STRBP: variants seen among roughly 807,000 people sequenced by gnomAD.
The protein encoded by STRBP is spermatid perinuclear RNA binding protein.
In STRBP, 13 loss-of-function variants were observed where a neutral mutation model predicts 80.1. The ratio of observed to expected loss-of-function variants is 0.16; its 90% CI spans 0.11 to 0.26. STRBP has a LOEUF of 0.26. Ranked by LOEUF, STRBP falls within the 10% of genes least tolerant of loss-of-function variation. STRBP has a pLI of 1.00. For synonymous variants in STRBP, 284 were observed against 291.2 expected (o/e 0.98, Z 0.25); for missense variants, 485 against 815.2 (o/e 0.59, Z 4.93).
chr9:123,129,720 T>C (rs981441440), intron 17 of STRBP, among the ~76,000 whole-genome samples: 5 of 152,226 alleles, frequency 3.3e-5, no homozygotes, highest in Admixed American at 1.3e-4. Flanking sequence ...AGAGGCTAGG[T>C]CTTCTCTGAA....
chr9:123,138,790 A>C (rs752931430), intron 14 of STRBP, among the ~76,000 whole-genome samples: 6 of 152,242 alleles, frequency 3.9e-5, no homozygotes, highest in Non-Finnish European at 5.9e-5. Context: ...CAGGTATTAA[A>C]AGGGATTTAT....
At position 123,158,106 on chromosome 9, in the gene STRBP, T is replaced by C; in HGVS notation, c.951A>G (p.Ser317=). 1 of 1,610,808 alleles carries C rather than the reference T, an allele frequency of 6.2e-7. No individual in the cohort carries two copies. The highest frequency in any genetic ancestry group is 2.2e-5 in the East Asian group (1 of 44,822). ...THSAQHALRL[S]AFGQIYKVLE... is the part of the protein sequence containing the mutation. ...GCACTTTGTAAATCTGGCCAAAGGC[T>C]GATAGTCTGAGTGCATGCTAAAGAA... is the stretch of plus-strand genomic sequence containing the variant. The change falls in exon 11 of 19, where the codon TCA becomes TCG. Residue 317 remains serine, a synonymous_variant. Transcript: ENST00000348403.
rs1275915456 is a variant in STRBP at position 123,122,281 on chromosome 9, G to A, written c.*3316C>T. 1.6e-6 allele frequency: 2 copies of A among 1,268,680 alleles called. No homozygotes were observed. Among genetic ancestry groups the A allele is most frequent in the East Asian group, 5.6e-5 (1 of 17,902 alleles). 78.6% of individuals were successfully genotyped at this position (1,268,680 alleles called of 1,614,324 possible). On this transcript the variant is annotated 3_prime_UTR_variant, in exon 19 of 19. Coordinates refer to ENST00000348403, the MANE Select transcript of STRBP (RefSeq NM_018387.5). ...GGCTACGAAGGTCCGAGGAGAACGA[G>A]AATAAAGTGAGATAAACGTGCTGAA...
chr9:123,186,623 A>C (rs1478608831), intron 2 of STRBP, among the ~76,000 whole-genome samples: 1 of 152,168 alleles, frequency 6.6e-6, no homozygotes, highest in Non-Finnish European at 1.5e-5. Context: ...AAATCATCTG[A>C]CCAACTCTAC....
At chr9:123,256,023 T>C (rs1206992198) in intron 1 of STRBP, among the ~76,000 whole-genome samples, 3 of 129,108 alleles carry the variant, frequency 2.3e-5, no homozygotes, top group African/African-American at 5.8e-5. Flanking sequence ...TCTTTCTTTT[T>C]TTTTTTTTTT....
Position 123,125,298 on chromosome 9 carries a change from T to A in STRBP, c.*299A>T. The A allele has an allele frequency of 1.9e-6, 2 of 1,068,896 alleles. No individual in the cohort carries two copies. Among genetic ancestry groups the A allele is most frequent in the Non-Finnish European group, 2.3e-6 (2 of 883,990 alleles). The allele number at this position is 1,068,896 out of a possible 1,614,324, so 66.2% of individuals were successfully genotyped here. ...ACAAATTTAATTTTACATAATCTGA[T>A]ACGTCTCTTAAAACTTAAACTTTGA... On this transcript the variant is annotated 3_prime_UTR_variant, in exon 19 of 19. Coordinates refer to ENST00000348403, the MANE Select transcript of STRBP (RefSeq NM_018387.5).
intron 2 of STRBP, among the ~76,000 whole-genome samples, chr9:123,199,022 G>A (rs1353453331): frequency 6.6e-6 from 1 of 152,166 alleles, no homozygotes; most frequent in Non-Finnish European, 1.5e-5. Flanking sequence ...TGGGCTCACT[G>A]CAGCCTCTGC....
intron 4 of STRBP, among the ~76,000 whole-genome samples, chr9:123,177,328 A>G (rs1165117081): frequency 1.3e-5 from 2 of 152,192 alleles, no homozygotes; most frequent in Admixed American, 1.3e-4. Context: ...GCACTTTGGG[A>G]GGCCAAGGCA....
Position 123,235,821 on chromosome 9 carries a change from G to A in STRBP, c.-165+1009C>T, listed in dbSNP as rs118041121. On this transcript the variant is annotated intron_variant, in intron 2 of 18. Transcript: ENST00000348403. ...TCACTTCTGAAATGATTTAGGAATA[G>A]AGCGCTCAGCAAAATAAACTTCCAA... Among the ~76,000 whole-genome samples, 232 of 152,192 alleles carry A rather than the reference G, an allele frequency of 1.5e-3. 8 individuals are homozygous for A. In the East Asian group the frequency reaches 0.042, roughly 27 times the overall value.
chr9:123,213,236 A>G (rs1035714747), intron 2 of STRBP, among the ~76,000 whole-genome samples: 1 of 152,246 alleles, frequency 6.6e-6, no homozygotes, highest in Non-Finnish European at 1.5e-5. Flanking sequence ...GGACAGCAAT[A>G]TAACGCCATG....
chr9:123,263,418 G>C (rs543394754), intron 1 of STRBP, among the ~76,000 whole-genome samples: 2 of 149,980 alleles, frequency 1.3e-5, no homozygotes, highest in South Asian at 2.1e-4. Context: ...CCAGCTACTC[G>C]AGATGCTAAG....
At chr9:123,182,217 T>TAAAAAAAAAAAAAAAAAAAAAAAAAAAAA (rs10546358) in intron 3 of STRBP, among the ~76,000 whole-genome samples, 2 of 69,798 alleles carry the variant, frequency 2.9e-5, no homozygotes, top group Non-Finnish European at 7.1e-5. Flanking sequence ...TCCGTTTCTT[T>TAAAAAAAAAAAAAAAAAAAAAAAAAAAAA]AAAAAAAAAA....
intron 2 of STRBP, among the ~76,000 whole-genome samples, chr9:123,202,441 C>T (rs1419090068): frequency 6.6e-6 from 1 of 152,142 alleles, no homozygotes; most frequent in Non-Finnish European, 1.5e-5. Flanking sequence ...TTTAAAATGA[C>T]TTTATTTCTC....
intron 2 of STRBP, among the ~76,000 whole-genome samples, chr9:123,213,042 A>G (rs1044388634): frequency 6.6e-6 from 1 of 152,246 alleles, no homozygotes; most frequent in Admixed American, 6.5e-5. Context: ...CCACTCAGCC[A>G]TAAAGGCTTT....
chr9:123,215,763 G>A (rs565911035), intron 2 of STRBP, among the ~76,000 whole-genome samples: 1 of 152,282 alleles, frequency 6.6e-6, no homozygotes, highest in East Asian at 1.9e-4. Context: ...CAGCCTGGGA[G>A]ACAAGAGCGA....
rs947409429 is a variant in STRBP at position 123,125,300 on chromosome 9, C to T, written c.*297G>A. ...AAATTTAATTTTACATAATCTGATA[C>T]GTCTCTTAAAACTTAAACTTTGAAC... On this transcript the variant is annotated 3_prime_UTR_variant, in exon 19 of 19. Transcript: ENST00000348403. The T allele has an allele frequency of 3.7e-5, 40 of 1,070,090 alleles. No homozygotes were observed. The highest frequency in any genetic ancestry group is 1.7e-4 in the African/African-American group (10 of 60,070). 66.3% of individuals were successfully genotyped at this position (1,070,090 alleles called of 1,614,324 possible).
intron 2 of STRBP, among the ~76,000 whole-genome samples, chr9:123,194,664 C>A (rs1254605194): frequency 6.6e-6 from 1 of 152,086 alleles, no homozygotes; most frequent in Non-Finnish European, 1.5e-5. Flanking sequence ...CATCCCAATG[C>A]TCCATCAAAA....
At chr9:123,129,147 A>C (rs1361541051) in intron 17 of STRBP, among the ~76,000 whole-genome samples, 1 of 152,088 alleles carries the variant, frequency 6.6e-6, no homozygotes, top group Non-Finnish European at 1.5e-5. Flanking sequence ...GCTTGAACCC[A>C]GGAGTTAGAG....
chr9:123,138,780 C>A (rs1167315063), intron 14 of STRBP, among the ~76,000 whole-genome samples: 1 of 152,188 alleles, frequency 6.6e-6, no homozygotes, highest in Non-Finnish European at 1.5e-5. Flanking sequence ...TGGCACTAAG[C>A]AGGTATTAAA....
Sources: gnomAD v4.1 joint callset for allele counts (sites outside exome capture counted in the v4.1 genomes callset) on GRCh38, gnomAD v4.1.1 for gene constraint, MANE v1.5 for transcripts, NCBI Gene and HGNC (gene_info 2026-07-23, HGNC 2026-07-21) for gene names.